Variants in MTPN observed in about 807,000 individuals in gnomAD.
MTPN encodes myotrophin.
A neutral mutation model predicts 13.5 loss-of-function variants in MTPN; 2 were observed. That is an observed-to-expected ratio of 0.15 (90% CI 0.06 to 0.47). MTPN has a LOEUF of 0.47. MTPN is among the 20% of genes least tolerant of loss of function. The pLI is 0.97. For synonymous variants in MTPN, 46 were observed against 51.7 expected, an observed-to-expected ratio of 0.89 and a Z score of 0.48; for missense variants, 79 against 137.9, an observed-to-expected ratio of 0.57 and a Z score of 2.14.
At position 135,929,768 on chromosome 7, in the gene MTPN, T is replaced by G. The variant is rs535898923; in HGVS notation, c.*158A>C. 5.0e-5 allele frequency: 35 copies of G among 700,946 alleles called. No homozygotes were observed. In the African/African-American group the frequency reaches 6.1e-4, roughly 12 times the overall value. 43.4% of individuals were successfully genotyped at this position (700,946 alleles called of 1,614,324 possible). On this transcript the variant is annotated 3_prime_UTR_variant, in exon 4 of 4. Coordinates refer to ENST00000393085, the MANE Select transcript of MTPN (RefSeq NM_145808.4). ...TGCCCCTCCTCCAAAACAATTTTTT[T>G]TTTCTGGTAGTCGGATTTGTTATGA...
rs1402301358 is a variant in MTPN, at chr7:135,977,131, CAGA to C, written c.-34_-32del. 5 of 1,612,578 alleles carry C rather than the reference CAGA, an allele frequency of 3.1e-6. No individual in the cohort carries two copies. Among genetic ancestry groups the C allele is most frequent in the East Asian group, 4.5e-5 (2 of 44,882 alleles). ...CAGCGGGGCAGGCCGGTTGGCCGGG[CAGA>C]AGATGAGGAGGCGGTGGCAGCAGCA... On this transcript the variant is annotated 5_prime_UTR_variant, in exon 1 of 4. Coordinates refer to ENST00000393085, the MANE Select transcript of MTPN (RefSeq NM_145808.4).
intron 1 of MTPN, among the ~76,000 whole-genome samples, chr7:135,963,576 C>A (rs539026084): frequency 6.6e-6 from 1 of 151,986 alleles, no homozygotes; most frequent in Non-Finnish European, 1.5e-5. Context: ...TCTGTAAGGA[C>A]GAAAGTATAA....
intron 3 of MTPN, among the ~76,000 whole-genome samples, chr7:135,936,574 A>T (rs149441344): frequency 2.0e-5 from 3 of 152,388 alleles, no homozygotes; most frequent in Admixed American, 6.5e-5. Flanking sequence ...AGATTTAAAG[A>T]CAGACTGCTG....
intron 3 of MTPN, among the ~76,000 whole-genome samples, chr7:135,940,221 A>G (rs1331802617): frequency 6.6e-6 from 1 of 152,214 alleles, no homozygotes; most frequent in African/African-American, 2.4e-5. Context: ...TTACCATAGA[A>G]CTTAAACATA....
At chr7:135,952,672 A>G (rs767589872) in intron 1 of MTPN, among the ~76,000 whole-genome samples, 2 of 152,078 alleles carry the variant, frequency 1.3e-5, no homozygotes, top group Non-Finnish European at 2.9e-5. Context: ...AACATCCTAT[A>G]TTCTCTCAGC....
chr7:135,959,018 C>T (rs1799484942), intron 1 of MTPN, among the ~76,000 whole-genome samples: 1 of 152,086 alleles, frequency 6.6e-6, no homozygotes, highest in Admixed American at 6.6e-5. Context: ...AAAATAAAAT[C>T]TGGAAATTAA....
Position 135,929,292 on chromosome 7 carries a change from G to C in MTPN, c.*634C>G, listed in dbSNP as rs1798976612. ...AAAGAGACATGAAATCCATGTGAAA[G>C]GGGAGAGAAAATCCAAAGTTCAGTC... On this transcript the variant is annotated 3_prime_UTR_variant, in exon 4 of 4. Transcript: ENST00000393085. The C allele has an allele frequency of 6.0e-6, 1 of 167,016 alleles. No homozygotes were observed. Among genetic ancestry groups the C allele is most frequent in the Non-Finnish European group, 1.5e-5 (1 of 68,118 alleles). 10.3% of individuals were successfully genotyped at this position (167,016 alleles called of 1,614,324 possible).
chr7:135,972,231 GCACACACACACA>G (rs67168370), intron 1 of MTPN, among the ~76,000 whole-genome samples: 2 of 124,700 alleles, frequency 1.6e-5, no homozygotes, highest in South Asian at 2.5e-4. Context: ...GCACGCGCGC[GCACACACACACA>G]CACACACACA....
chr7:135,960,309 C>T (rs528389754), intron 1 of MTPN, among the ~76,000 whole-genome samples: 136 of 152,148 alleles, frequency 8.9e-4, no homozygotes, highest in African/African-American at 3.1e-3. Flanking sequence ...ACATTTTTTT[C>T]TTTAAACATT....
chr7:135,943,622 T>C (rs73162998), intron 3 of MTPN, among the ~76,000 whole-genome samples: 17,182 of 152,222 alleles, frequency 0.11, 1,170 homozygotes, highest in East Asian at 0.26. Context: ...CAGTTGAGTA[T>C]ACCTTTGTTC....
rs1157930343 is a variant in MTPN, at chr7:135,929,847, T to G, written c.*79A>C. ...GTATTTAGCTGAAGAAGCTGGCAGA[T>G]AGAGAGTGACAGACAGACAGGCAGC... On this transcript the variant is annotated 3_prime_UTR_variant, in exon 4 of 4. Coordinates refer to ENST00000393085, the MANE Select transcript of MTPN (RefSeq NM_145808.4). 1.5e-6 allele frequency: 2 copies of G among 1,347,322 alleles called. No homozygotes were observed. Among genetic ancestry groups the G allele is most frequent in the Admixed American group, 1.7e-5 (1 of 59,434 alleles). The allele number at this position is 1,347,322 out of a possible 1,614,324, so 83.5% of individuals were successfully genotyped here.
intron 1 of MTPN, chr7:135,960,623 G>T (rs1452658741): frequency 6.6e-6 from 1 of 151,652 alleles, no homozygotes; most frequent in Non-Finnish European, 1.5e-5. Flanking sequence ...CTAAAATGTA[G>T]TAGAAAAAGA....
intron 3 of MTPN, among the ~76,000 whole-genome samples, chr7:135,948,548 A>T (rs1248359702): frequency 1.3e-5 from 2 of 152,182 alleles, no homozygotes; most frequent in African/African-American, 4.8e-5. Flanking sequence ...CTGGGATGAC[A>T]TCTTAGGGCC....
chr7:135,964,339 TC>T (rs1427615168), intron 1 of MTPN, among the ~76,000 whole-genome samples: 1 of 152,120 alleles, frequency 6.6e-6, no homozygotes. Flanking sequence ...AGAAAACTCA[TC>T]TCAGTGGCTG....
chr7:135,931,107 G>A (rs529482907), intron 3 of MTPN, among the ~76,000 whole-genome samples: 3 of 152,124 alleles, frequency 2.0e-5, no homozygotes, highest in Admixed American at 2.0e-4. Flanking sequence ...GCGGGCTCTA[G>A]ATGGGATGCC....
intron 3 of MTPN, among the ~76,000 whole-genome samples, chr7:135,941,607 G>A (rs1317579977): frequency 1.3e-5 from 2 of 152,152 alleles, no homozygotes; most frequent in Non-Finnish European, 2.9e-5. Context: ...TGTGAGCAAT[G>A]AGACATTTTA....
intron 3 of MTPN, among the ~76,000 whole-genome samples, chr7:135,935,240 TTTC>T (rs371603050): frequency 1.3e-5 from 2 of 150,358 alleles, no homozygotes; most frequent in African/African-American, 5.0e-5. Flanking sequence ...CAATGATTTC[TTTC>T]TTTTTTTTTT....
Position 135,927,504 on chromosome 7 carries a change from T to G in MTPN, c.*2422A>C. On this transcript the variant is annotated 3_prime_UTR_variant, in exon 4 of 4. Transcript: ENST00000393085. ...TCTGAGATGTTAAGTATTACTTCAG[T>G]GGAGAACAAAACTTACTTAACCTTT... The G allele has an allele frequency of 8.0e-7, 1 of 1,247,452 alleles. No individual in the cohort carries two copies. The highest frequency in any genetic ancestry group is 1.1e-6 in the Non-Finnish European group (1 of 891,658). The allele number at this position is 1,247,452 out of a possible 1,614,324, so 77.3% of individuals were successfully genotyped here. A position where few individuals can be genotyped will look rare whatever the true frequency, so the allele number is the denominator to read the frequency against.
At chr7:135,941,988 A>G (rs1239300852) in intron 3 of MTPN, among the ~76,000 whole-genome samples, 1 of 149,744 alleles carries the variant, frequency 6.7e-6, no homozygotes, top group Non-Finnish European at 1.5e-5. Context: ...GGTTCAAGCT[A>G]TTCTCCTGCC....
Sources: gnomAD v4.1 joint callset for allele counts (sites outside exome capture counted in the v4.1 genomes callset) on GRCh38, gnomAD v4.1.1 for gene constraint, MANE v1.5 for transcripts, NCBI Gene and HGNC (gene_info 2026-07-23, HGNC 2026-07-21) for gene names.